Variants in EIF4E1B observed in about 807,000 individuals in gnomAD.
EIF4E1B encodes eukaryotic translation initiation factor 4E type 1B.
A neutral mutation model predicts 31.3 loss-of-function variants in EIF4E1B; 22 were observed. That is an observed-to-expected ratio of 0.70 (90% CI 0.50 to 1.00). EIF4E1B has a LOEUF of 1.00. EIF4E1B is among the 50% of genes least tolerant of loss of function. EIF4E1B has a pLI of 0.00. For synonymous variants in EIF4E1B, 126 were observed against 120.2 expected, an observed-to-expected ratio of 1.05 and a Z score of -0.31; for missense variants, 290 against 311.6, an observed-to-expected ratio of 0.93 and a Z score of 0.52.
intron 1 of EIF4E1B, among the ~76,000 whole-genome samples, 172 bp downstream of exon 1, chr5:176,631,236 G>C (rs995265371): frequency 6.6e-6 from 1 of 152,342 alleles, no homozygotes; most frequent in South Asian, 2.1e-4. Context: ...AAGTGCAAAG[G>C]CTCCAAGGCA....
rs117586833 is a variant in EIF4E1B at position 176,643,215 on chromosome 5, G to A, written c.149G>A (p.Arg50Gln). ...TTGCTGTCTCTGAGAGGGAAGGCCCGGACGGGGGGCCCCATGGAAGTCAAG... is the reference window on the plus strand; with the variant it reads ...TTGCTGTCTCTGAGAGGGAAGGCCCAGACGGGGGGCCCCATGGAAGTCAAG... ...RTLLSLRGKARTGGPMEVKLE... is the reference protein window; with the variant it reads ...RTLLSLRGKAQTGGPMEVKLE... The change falls in exon 4 of 9, where the codon CGG (arginine) becomes CAG (glutamine). Residue 50 changes from arginine to glutamine, a missense_variant. Arg to Gln is a conservative substitution (Grantham distance 43). Transcript: ENST00000318682. The A allele has an allele frequency of 4.8e-4, 769 of 1,613,182 alleles. 13 individuals carry two copies. The East Asian group carries it at 0.016, about 33-fold the overall frequency.
intron 3 of EIF4E1B, 59 bp downstream of exon 3, chr5:176,642,861 C>CCTCCCCG (rs1475882359): frequency 4.4e-6 from 5 of 1,123,862 alleles, no homozygotes; most frequent in Non-Finnish European, 3.5e-6. Flanking sequence ...TCCCCCCCCC[C>CCTCCCCG]CCCCGCCCCA....
Position 176,643,200 on chromosome 5 carries a change from T to G in EIF4E1B, c.134T>G (p.Leu45Arg), listed in dbSNP as rs1156505496. 1.2e-6 allele frequency: 2 copies of G among 1,613,494 alleles called. No individual in the cohort carries two copies. The highest frequency in any genetic ancestry group is 2.7e-5 in the African/African-American group (2 of 74,906). Residue 45 changes from leucine (L) to arginine (R), a missense_variant, in exon 4 of 9, where the codon CTG becomes CGG. By Grantham distance (102) the Leu-to-Arg change is moderately radical. Coordinates refer to ENST00000318682, the MANE Select transcript of EIF4E1B (RefSeq NM_001099408.2). ...AACTCTCCCAGGACTTTGCTGTCTC[T>G]GAGAGGGAAGGCCCGGACGGGGGGC... ...SPNSPRTLLS[L>R]RGKARTGGPM... is the part of the protein sequence containing the mutation.
rs750093538 is a variant in EIF4E1B, at chr5:176,646,095, G to T, written c.*115G>T. On this transcript the variant is annotated 3_prime_UTR_variant, in exon 9 of 9. Coordinates refer to ENST00000318682, the MANE Select transcript of EIF4E1B (RefSeq NM_001099408.2). ...GCCTAGTTCTTACCTGTCCTCAAGT[G>T]AACAGGAATGCAAACACTCTTTAAC... is the stretch of plus-strand genomic sequence containing the variant. 1.2e-6 allele frequency: 1 copy of T among 855,542 alleles called. No homozygotes were observed. Among genetic ancestry groups the T allele is most frequent in the Non-Finnish European group, 1.8e-6 (1 of 542,230 alleles). 53.0% of individuals were successfully genotyped at this position (855,542 alleles called of 1,614,324 possible). A position where few individuals can be genotyped will look rare whatever the true frequency, so the allele number is the denominator to read the frequency against.
intron 1 of EIF4E1B, among the ~76,000 whole-genome samples, chr5:176,636,575 ACT>A (rs1760496348): frequency 1.3e-5 from 2 of 152,066 alleles, no homozygotes; most frequent in East Asian, 1.9e-4. Context: ...TGCCTTTGTA[ACT>A]CTGTGTGTGG....
chr5:176,636,877 G>A (rs961475705), intron 1 of EIF4E1B, among the ~76,000 whole-genome samples: 6 of 152,188 alleles, frequency 3.9e-5, no homozygotes, highest in Admixed American at 2.6e-4. Context: ...ACTGGGTGCC[G>A]ATATCATTCC....
At position 176,645,532 on chromosome 5, in the gene EIF4E1B, G is replaced by A. The variant is rs765054117; in HGVS notation, c.614+16G>A. 6.6e-7 allele frequency: 1 copy of A among 1,508,048 alleles called. No homozygotes were observed. The highest frequency in any genetic ancestry group is 8.8e-7 in the Non-Finnish European group (1 of 1,130,018). 93.4% of individuals were successfully genotyped at this position (1,508,048 alleles called of 1,614,324 possible). The stretch of plus-strand genomic sequence containing the variant: ...TGCACGTTGGGTGAGGAGGGTCTCT[G>A]GCACAGGGTGGGGACTTGGGTCTCT... On this transcript the variant is annotated intron_variant, in intron 8 of 8. Transcript: ENST00000318682. This position sits in a 1 kb window ranked among gnomAD's most constrained non-coding sequence, Gnocchi z 5.4.
In EIF4E1B at chr5:176,644,602, G is replaced by A. The variant is rs1399292590; in HGVS notation, c.360+163G>A. On this transcript the variant is annotated intron_variant, in intron 6 of 8. Coordinates refer to ENST00000318682, the MANE Select transcript of EIF4E1B (RefSeq NM_001099408.2). ...GGAGGAAATGCTCTACAGGAGCCCG[G>A]ACAGAGTAGGTCAGGCCCAAGCCGC... The A allele has an allele frequency of 5.0e-6, 4 of 794,116 alleles. No individual in the cohort carries two copies. The East Asian group carries it at 1.1e-4, about 22-fold the overall frequency. The allele number at this position is 794,116 out of a possible 1,614,324, so 49.2% of individuals were successfully genotyped here.
intron 1 of EIF4E1B, among the ~76,000 whole-genome samples, chr5:176,639,968 G>A (rs893846861): frequency 1.6e-4 from 24 of 152,116 alleles, no homozygotes; most frequent in African/African-American, 5.6e-4. Context: ...TCCCAGCCTG[G>A]TCCTCTTCCA....
intron 1 of EIF4E1B, among the ~76,000 whole-genome samples, chr5:176,632,418 G>A (rs967215848): frequency 6.6e-6 from 1 of 152,186 alleles, no homozygotes; most frequent in Non-Finnish European, 1.5e-5. Flanking sequence ...ACCACGCCCA[G>A]CTAATTTTTG....
At position 176,645,938 on chromosome 5, in the gene EIF4E1B, CACCAAGAGCAACTCCCTA is replaced by C; in HGVS notation, c.688_705del (p.Thr230_Leu235del). 1 of 1,610,436 alleles carries C rather than the reference CACCAAGAGCAACTCCCTA, an allele frequency of 6.2e-7. No individual in the cohort carries two copies. Among genetic ancestry groups the C allele is most frequent in the Non-Finnish European group, 8.5e-7 (1 of 1,178,332 alleles). On this transcript the variant is annotated inframe_deletion, in exon 9 of 9. Transcript: ENST00000318682. This position sits in a 1 kb window ranked among gnomAD's most constrained non-coding sequence, Gnocchi z 5.4. ...GGTACCAGGCCCATGCAGACACAGC[CACCAAGAGCAACTCCCTA>C]GCCAAGAACAAGTTTGTGGTGTGAG... is the stretch of plus-strand genomic sequence containing the variant.
At chr5:176,636,876 C>T (rs759875225) in intron 1 of EIF4E1B, among the ~76,000 whole-genome samples, 4 of 152,318 alleles carry the variant, frequency 2.6e-5, no homozygotes, top group East Asian at 1.9e-4. Flanking sequence ...TACTGGGTGC[C>T]GATATCATTC....
chr5:176,642,875 G>A (rs1235405145), intron 3 of EIF4E1B, 73 bp downstream of exon 3: 59 of 537,452 alleles, frequency 1.1e-4, no homozygotes, highest in East Asian at 1.0e-3. Flanking sequence ...CGCCCCAGGT[G>A]GGCGGGGCAG....
chr5:176,634,695 A>T, intron 1 of EIF4E1B, among the ~76,000 whole-genome samples: 1 of 133,810 alleles, frequency 7.5e-6, no homozygotes, highest in South Asian at 2.5e-4. Context: ...TTCGAGACAG[A>T]GTCTTGCTGT....
At chr5:176,643,301 T>G in intron 4 of EIF4E1B, 35 bp downstream of exon 4, 1 of 1,599,694 alleles carries the variant, frequency 6.3e-7, no homozygotes, top group Non-Finnish European at 8.5e-7. Flanking sequence ...CACAGCCCCT[T>G]GCTTTCAGGC....
intron 1 of EIF4E1B, among the ~76,000 whole-genome samples, chr5:176,633,221 G>T (rs868831979): frequency 2.9e-4 from 43 of 148,950 alleles, no homozygotes; most frequent in African/African-American, 8.5e-4. Context: ...TTTTTTGTTT[G>T]TTTGTTTGTT....
chr5:176,645,725 A>G lies in EIF4E1B; in HGVS notation c.615-141A>G, dbSNP rs1760688234. ...TCTCCTTTTGCATTAAGGGGGTCAT[A>G]TTTTGGGTTTCCACATGGGTAAGAC... On this transcript the variant is annotated intron_variant, in intron 8 of 8. Coordinates refer to ENST00000318682, the MANE Select transcript of EIF4E1B (RefSeq NM_001099408.2). The surrounding 1 kb of genome is among the most constrained non-coding windows in gnomAD (Gnocchi z 5.4). 4 of 1,093,156 alleles carry G rather than the reference A, an allele frequency of 3.7e-6. No homozygotes were observed. In the Admixed American group the frequency reaches 1.2e-4, roughly 32 times the overall value. The allele number at this position is 1,093,156 out of a possible 1,614,324, so 67.7% of individuals were successfully genotyped here.
At chr5:176,641,189 C>T (rs921350963) in intron 1 of EIF4E1B, among the ~76,000 whole-genome samples, 4 of 152,054 alleles carry the variant, frequency 2.6e-5, no homozygotes, top group African/African-American at 9.7e-5. Flanking sequence ...ACTAGCCGGG[C>T]GTGGTGGTGC....
chr5:176,643,836 T>G, intron 5 of EIF4E1B, 102 bp downstream of exon 5: 6 of 1,266,840 alleles, frequency 4.7e-6, no homozygotes, highest in Non-Finnish European at 6.6e-6. Context: ...TCAGCCTTTG[T>G]GAGGGCTGGG....
Sources: allele counts gnomAD v4.1 joint callset (sites outside exome capture counted in the v4.1 genomes callset), GRCh38; gene constraint gnomAD v4.1.1; non-coding constraint Gnocchi (gnomAD v3.1); transcripts MANE v1.5; gene names NCBI Gene and HGNC (gene_info 2026-07-23, HGNC 2026-07-21).